The following GNAO1 variants were observed in gnomAD, a reference collection of about 807,000 sequenced individuals.
GNAO1 encodes the protein guanine nucleotide-binding protein G(o) subunit alpha.
For synonymous variants in GNAO1, 164 were observed against 180.7 expected, an observed-to-expected ratio of 0.91 and a Z score of 0.74; for missense variants, 166 against 478.7, an observed-to-expected ratio of 0.35 and a Z score of 6.10.
chr16:56,232,334 G>A (rs1394211663), intron 2 of GNAO1, among the ~76,000 whole-genome samples: 1 of 152,140 alleles, frequency 6.6e-6, no homozygotes, highest in African/African-American at 2.4e-5. Context: ...TGTCTAGAGA[G>A]AGTGGCTCTA....
intron 6 of GNAO1, among the ~76,000 whole-genome samples, chr16:56,338,581 CA>C (rs1180789024): frequency 6.6e-6 from 1 of 152,230 alleles, no homozygotes; most frequent in East Asian, 1.9e-4. Context: ...TCAAAGAGAG[CA>C]AAGGAGCTAG....
rs1567488225 is a variant in GNAO1, at chr16:56,334,708, C to T, written c.465-21C>T. 3.1e-6 allele frequency: 5 copies of T among 1,613,466 alleles called. No individual in the cohort carries two copies. In the Admixed American group the frequency reaches 5.0e-5, roughly 16 times the overall value. On this transcript the variant is annotated intron_variant, in intron 4 of 8. Coordinates refer to ENST00000262493, the MANE Select transcript of GNAO1 (RefSeq NM_020988.3). ...TGTCCAGGCATTTGGTCCATAGTCC[C>T]CTGTTTGTTGCCATCCTCAGCTACC...
At chr16:56,341,360 G>A (rs116077463) in intron 6 of GNAO1, among the ~76,000 whole-genome samples, 21 of 152,210 alleles carry the variant, frequency 1.4e-4, no homozygotes, top group Non-Finnish European at 2.6e-4. Context: ...CCCCAGCTCC[G>A]CCACTCACAA....
intron 3 of GNAO1, among the ~76,000 whole-genome samples, chr16:56,288,073 A>G (rs1269459024): frequency 6.6e-6 from 1 of 152,140 alleles, no homozygotes; most frequent in Admixed American, 6.5e-5. Context: ...GTCATTCCAC[A>G]GCCCCTCCAG....
intron 6 of GNAO1, among the ~76,000 whole-genome samples, chr16:56,350,800 C>T (rs1371099921): frequency 6.6e-6 from 1 of 152,138 alleles, no homozygotes; most frequent in African/African-American, 2.4e-5. Context: ...TCCCAGAGAA[C>T]ATCCCCCTAC....
intron 6 of GNAO1, among the ~76,000 whole-genome samples, chr16:56,348,471 G>A (rs975322833): frequency 6.6e-6 from 1 of 152,268 alleles, no homozygotes; most frequent in African/African-American, 2.4e-5. Context: ...TGTGGGTGAC[G>A]TGGCAGTGGC....
intron 2 of GNAO1, among the ~76,000 whole-genome samples, chr16:56,263,132 G>A (rs369203161): frequency 1.4e-4 from 22 of 152,304 alleles, no homozygotes; most frequent in African/African-American, 3.6e-4. Context: ...CACAGACTCC[G>A]GGCCCAAGGG....
At chr16:56,202,784 A>G (rs72814432) in intron 2 of GNAO1, among the ~76,000 whole-genome samples, 36,043 of 152,218 alleles carry the variant, frequency 0.24, 5,595 homozygotes, top group Non-Finnish European at 0.35. Context: ...AGCACCAAAG[A>G]CCAATAACAT....
chr16:56,239,492 G>T (rs2036673584), intron 2 of GNAO1, among the ~76,000 whole-genome samples: 1 of 152,110 alleles, frequency 6.6e-6, no homozygotes, highest in Admixed American at 6.5e-5. Flanking sequence ...GGACATACTG[G>T]ACAGGCCCTG....
chr16:56,291,613 C>T (rs1316523951), intron 3 of GNAO1, among the ~76,000 whole-genome samples: 1 of 152,132 alleles, frequency 6.6e-6, no homozygotes, highest in African/African-American at 2.4e-5. Context: ...TGCCTCTGCC[C>T]CCTTGCCAGA....
intron 4 of GNAO1, among the ~76,000 whole-genome samples, chr16:56,330,348 C>G (rs796812219): frequency 4.6e-5 from 7 of 152,294 alleles, no homozygotes; most frequent in African/African-American, 1.7e-4. Context: ...GGGCCTCCTC[C>G]CCGAGGGCCA....
At chr16:56,343,955 A>G in intron 6 of GNAO1, 1 of 1,612,766 alleles carries the variant, frequency 6.2e-7, no homozygotes, top group Non-Finnish European at 8.5e-7. Flanking sequence ...TACTGAGCCC[A>G]GCCGCCCTGC....
intron 4 of GNAO1, 122 bp from the exon 5 acceptor site, chr16:56,334,607 C>A: frequency 9.5e-7 from 1 of 1,057,062 alleles, no homozygotes; most frequent in Non-Finnish European, 1.4e-6. Context: ...GAGGTGATGT[C>A]TTTTCCACAG....
chr16:56,202,981 G>T (rs573027034), intron 2 of GNAO1, among the ~76,000 whole-genome samples: 1 of 152,258 alleles, frequency 6.6e-6, no homozygotes, highest in East Asian at 1.9e-4. Flanking sequence ...TTTTTCTGGG[G>T]TTACACCTTT....
intron 2 of GNAO1, chr16:56,270,578 C>T (rs1333665786): frequency 6.6e-6 from 1 of 152,192 alleles, no homozygotes; most frequent in African/African-American, 2.4e-5. Flanking sequence ...TGGAGCTCAA[C>T]CCTATGCCAG....
chr16:56,348,413 C>T (rs1255169959), intron 6 of GNAO1, among the ~76,000 whole-genome samples: 2 of 152,192 alleles, frequency 1.3e-5, no homozygotes, highest in Admixed American at 6.5e-5. Context: ...CGTTCTGCGC[C>T]GAGCCACCTT....
At chr16:56,267,100 A>G (rs1406633996) in intron 2 of GNAO1, among the ~76,000 whole-genome samples, 1 of 152,144 alleles carries the variant, frequency 6.6e-6, no homozygotes, top group Non-Finnish European at 1.5e-5. Context: ...CATTCCAGGG[A>G]AAGGAAATAC....
At chr16:56,345,712 A>G (rs1400897455) in intron 6 of GNAO1, 1 of 985,412 alleles carries the variant, frequency 1.0e-6, no homozygotes, top group Non-Finnish European at 1.2e-6. Context: ...GTGTCCTACC[A>G]TGGACAGCCA....
At chr16:56,259,596 A>G (rs1278701369) in intron 2 of GNAO1, among the ~76,000 whole-genome samples, 1 of 152,244 alleles carries the variant, frequency 6.6e-6, no homozygotes, top group Non-Finnish European at 1.5e-5. Context: ...CTCCCTAGAC[A>G]GTCTTCATCC....
Sources: gnomAD v4.1 joint callset for allele counts (sites outside exome capture counted in the v4.1 genomes callset) on GRCh38, gnomAD v4.1.1 for gene constraint, MANE v1.5 for transcripts, NCBI Gene and HGNC (gene_info 2026-07-23, HGNC 2026-07-21) for gene names.